The following RALGAPA1 variants were observed in gnomAD, a reference collection of about 807,000 sequenced individuals.
The protein encoded by RALGAPA1 is Ral GTPase activating protein catalytic subunit alpha 1, also known as ral GTPase-activating protein subunit alpha-1.
Under a neutral mutation model 269.6 loss-of-function variants are expected in RALGAPA1, and 52 were observed. The ratio of observed to expected loss-of-function variants is 0.19; its 90% CI spans 0.15 to 0.24. The LOEUF (loss-of-function observed/expected upper bound fraction) is 0.24, where lower values mean the gene tolerates loss of function less well. RALGAPA1 is among the 10% of genes least tolerant of loss of function. The probability of loss-of-function intolerance (pLI) is 1.00; values close to 1 mark genes in which losing one functional copy is unlikely to be tolerated. For synonymous variants in RALGAPA1, 817 were observed against 1,008.3 expected (o/e 0.81, Z 3.60); for missense variants, 1,917 against 3,013.9 (o/e 0.64, Z 8.52).
At chr14:35,608,645 AAAATTAC>A (rs2059731981) in intron 35 of RALGAPA1, among the ~76,000 whole-genome samples, 1 of 152,254 alleles carries the variant, frequency 6.6e-6, no homozygotes, top group African/African-American at 2.4e-5. Context: ...GGAAAATATG[AAAATTAC>A]AAATATATAT....
At chr14:35,752,506 G>A (rs2072812038) in intron 7 of RALGAPA1, among the ~76,000 whole-genome samples, 1 of 152,116 alleles carries the variant, frequency 6.6e-6, no homozygotes, top group South Asian at 2.1e-4. Flanking sequence ...TATGTGGCAG[G>A]GGTGTGTGTA....
chr14:35,553,275 T>A (rs2055197161), intron 39 of RALGAPA1, among the ~76,000 whole-genome samples: 1 of 152,184 alleles, frequency 6.6e-6, no homozygotes, highest in Non-Finnish European at 1.5e-5. Flanking sequence ...GTGCAAGAAC[T>A]CTTTGATAAT....
chr14:35,690,751 TA>T (rs1399463326), intron 17 of RALGAPA1, among the ~76,000 whole-genome samples: 1 of 152,120 alleles, frequency 6.6e-6, no homozygotes, highest in Non-Finnish European at 1.5e-5. Context: ...CTAAAAACTA[TA>T]TTTCTGGCTT....
At chr14:35,718,968 T>C (rs1228666122) in intron 16 of RALGAPA1, among the ~76,000 whole-genome samples, 1 of 151,918 alleles carries the variant, frequency 6.6e-6, no homozygotes, top group African/African-American at 2.4e-5. Flanking sequence ...GTCCTCCAAG[T>C]AGCTGGCACT....
At chr14:35,565,392 G>T (rs903960998) in intron 39 of RALGAPA1, among the ~76,000 whole-genome samples, 22 of 151,238 alleles carry the variant, frequency 1.5e-4, no homozygotes, top group Admixed American at 4.6e-4. Context: ...TATTTATACT[G>T]TTACAGTTAT....
chr14:35,750,535 T>C lies in RALGAPA1; in HGVS notation c.958A>G (p.Thr320Ala). 3 of 1,613,176 alleles carry C rather than the reference T, an allele frequency of 1.9e-6. No individual in the cohort carries two copies. The highest frequency in any genetic ancestry group is 2.5e-6 in the Non-Finnish European group (3 of 1,179,452). ...TCCATCCCAGGAATATGAGGTCCTG[T>C]ATGTGGTTTTGGCTCCAGCCAGAAA... is the stretch of plus-strand genomic sequence containing the variant. ...VSFWLEPKPH[T>A]GPHIPGMEGE... The change falls in exon 9 of 42, where the codon ACA becomes GCA. Residue 320 changes from threonine to alanine, a missense_variant. Physicochemically the swap from Thr to Ala is moderately conservative, Grantham distance 58. This residue lies in a region of RALGAPA1 where 462 missense variants were observed against 725.6 expected (regional missense o/e 0.64). Transcript: ENST00000680220.
intron 36 of RALGAPA1, among the ~76,000 whole-genome samples, chr14:35,597,702 A>C (rs2139049571): frequency 6.6e-6 from 1 of 151,896 alleles, no homozygotes; most frequent in East Asian, 1.9e-4. Flanking sequence ...CTTCACTCCT[A>C]CTCTATCCCC....
intron 31 of RALGAPA1, among the ~76,000 whole-genome samples, chr14:35,637,669 T>C (rs1424959225): frequency 3.3e-5 from 5 of 152,082 alleles, no homozygotes; most frequent in South Asian, 2.1e-4. Flanking sequence ...GATAAAAACA[T>C]AGAACTTCCC....
chr14:35,688,660 T>C lies in RALGAPA1; in HGVS notation c.3751A>G (p.Ser1251Gly), dbSNP rs923170883. 6.6e-7 allele frequency: 1 copy of C among 1,506,778 alleles called. No individual in the cohort carries two copies. Among genetic ancestry groups the C allele is most frequent in the Admixed American group, 2.2e-5 (1 of 45,410 alleles). The allele number at this position is 1,506,778 out of a possible 1,614,324, so 93.3% of individuals were successfully genotyped here. A position where few individuals can be genotyped will look rare whatever the true frequency, so the allele number is the denominator to read the frequency against. Residue 1251 changes from serine (S) to glycine (G), a missense_variant, in exon 18 of 42, where the codon AGT (serine) becomes GGT (glycine). Physicochemically the swap from Ser to Gly is moderately conservative, Grantham distance 56 (BLOSUM62 0). Coordinates refer to ENST00000680220, the MANE Select transcript of RALGAPA1 (RefSeq NM_001346249.2). ...CTTGATGACCTAAGAGTACTACGAC[T>C]ACCTAATTGACTACTTGCAATTCCT... is the stretch of plus-strand genomic sequence containing the variant. ...KEGIASSQLG[S>G]RSTLRSSSHE...
chr14:35,539,351 T>A lies in RALGAPA1; in HGVS notation c.*363A>T, dbSNP rs1241288715. 3 of 748,526 alleles carry A rather than the reference T, an allele frequency of 4.0e-6. No homozygotes were observed. In the African/African-American group the frequency reaches 5.5e-5, roughly 14 times the overall value. 46.4% of individuals were successfully genotyped at this position (748,526 alleles called of 1,614,324 possible). On this transcript the variant is annotated 3_prime_UTR_variant, in exon 42 of 42. Transcript: ENST00000680220. ...GCAGCTTGGATTGTGGGAAAAAAAA[T>A]GAAACAATAAATAACTTAAATCTTT...
rs764698719 is a variant in RALGAPA1, at chr14:35,594,027, C to T, written c.7209+1607G>A. The stretch of plus-strand genomic sequence containing the variant: ...TTTTTCACAAGGGCACCAAGATCAA[C>T]AGGGAAAGGATAGTCTCTTCAACAT... On this transcript the variant is annotated intron_variant, in intron 37 of 41. Transcript: ENST00000680220. Among the ~76,000 whole-genome samples, 106 of 151,980 alleles carry T rather than the reference C, an allele frequency of 7.0e-4. 1 individual carries two copies. The highest frequency in any genetic ancestry group is 1.2e-3 in the Non-Finnish European group (83 of 67,988).
chr14:35,715,039 T>A (rs979562394), intron 16 of RALGAPA1, among the ~76,000 whole-genome samples: 6 of 152,208 alleles, frequency 3.9e-5, no homozygotes, highest in Non-Finnish European at 8.8e-5. Context: ...CATTCTGCTA[T>A]GTCACTGCAG....
intron 39 of RALGAPA1, among the ~76,000 whole-genome samples, chr14:35,555,037 AG>A (rs754898870): frequency 2.0e-5 from 3 of 152,220 alleles, no homozygotes; most frequent in Non-Finnish European, 4.4e-5. Flanking sequence ...GAACTTTCCT[AG>A]AACTGGATTT....
chr14:35,570,562 C>T (rs570460154), intron 39 of RALGAPA1, 55 bp downstream of exon 39: 2 of 1,380,850 alleles, frequency 1.4e-6, no homozygotes, highest in African/African-American at 3.0e-5. Context: ...GAAATATTTA[C>T]CTTTGTGAGT....
intron 17 of RALGAPA1, among the ~76,000 whole-genome samples, chr14:35,693,300 A>C (rs2066642234): frequency 6.6e-6 from 1 of 151,878 alleles, no homozygotes; most frequent in Admixed American, 6.6e-5. Context: ...GTTAGAAATA[A>C]AAATCTAACT....
rs942716667 is a variant in RALGAPA1 at position 35,766,294 on chromosome 14, C to T, written c.326-3541G>A. ...GGTGTACTGGCTGAACATGACCCTA[C>T]GGATTCTACCACAGCACAGGATCCT... On this transcript the variant is annotated intron_variant, in intron 4 of 41. Coordinates refer to ENST00000680220, the MANE Select transcript of RALGAPA1 (RefSeq NM_001346249.2). 1.5e-5 allele frequency: 14 copies of T among 904,440 alleles called. No homozygotes were observed. The East Asian group carries it at 1.7e-4, about 11-fold the overall frequency. 56.0% of individuals were successfully genotyped at this position (904,440 alleles called of 1,614,324 possible).
rs530423924 is a variant in RALGAPA1, at chr14:35,567,836, C to A, written c.7496+2781G>T. On this transcript the variant is annotated intron_variant, in intron 39 of 41. Transcript: ENST00000680220. ...TTGCATTACAATCTAATTGATCTCA[C>A]CACTTTCCAAAAAGACCTAAGACAT... 1.4e-3 allele frequency among the ~76,000 whole-genome samples: 210 copies of A among 152,206 alleles called. 1 individual carries two copies. The highest frequency in any genetic ancestry group is 2.3e-3 in the Admixed American group (35 of 15,286).
In RALGAPA1 at chr14:35,726,545, G is replaced by C. The variant is rs139996920; in HGVS notation, c.1737-1392C>G. Among the ~76,000 whole-genome samples the C allele has an allele frequency of 3.7e-3, 561 of 152,226 alleles. 2 individuals are homozygous for C. Among genetic ancestry groups the C allele is most frequent in the African/African-American group, 0.012 (515 of 41,542 alleles). On this transcript the variant is annotated intron_variant, in intron 13 of 41. Coordinates refer to ENST00000680220, the MANE Select transcript of RALGAPA1 (RefSeq NM_001346249.2). ...CACACCTGTAATCCCAGTACTTTGG[G>C]AGGTGGTCAAGGCAGGTGGATCGCT...
intron 29 of RALGAPA1, among the ~76,000 whole-genome samples, chr14:35,655,498 A>T (rs1020776712): frequency 4.0e-5 from 6 of 151,158 alleles, no homozygotes; most frequent in Non-Finnish European, 8.9e-5. Flanking sequence ...AATACTAGTT[A>T]AAAAAAAACC....
Sources: gnomAD v4.1 joint callset for allele counts (sites outside exome capture counted in the v4.1 genomes callset) on GRCh38, gnomAD v4.1.1 for gene constraint, gnomAD v4.1.1 regional missense constraint, MANE v1.5 for transcripts, NCBI Gene and HGNC (gene_info 2026-07-23, HGNC 2026-07-21) for gene names.